The following AEBP2 variants were observed in gnomAD, a reference collection of about 807,000 sequenced individuals.
The protein encoded by AEBP2 is AE binding protein 2.
In AEBP2, 10 loss-of-function variants were observed where a neutral mutation model predicts 50.8. The ratio of observed to expected loss-of-function variants is 0.20; its 90% confidence interval spans 0.12 to 0.33. The LOEUF (loss-of-function observed/expected upper bound fraction) is 0.33. Ranked by LOEUF, AEBP2 falls within the 10% of genes least tolerant of loss-of-function variation. The pLI is 1.00. For synonymous variants in AEBP2, 296 were observed against 261.3 expected (o/e 1.13, Z -1.28); for missense variants, 570 against 688.0 (o/e 0.83, Z 1.92).
chr12:19,452,532 T>C (rs1259828363), intron 1 of AEBP2, among the ~76,000 whole-genome samples: 1 of 152,148 alleles, frequency 6.6e-6, no homozygotes, highest in African/African-American at 2.4e-5. Flanking sequence ...ATGGTTTTCT[T>C]GAAGTACCTG....
rs774128675 is a variant in AEBP2 at position 19,439,753 on chromosome 12, C to T, written c.54C>T (p.Ser18=). ...ACCTGGAGGAGCTCTCCCGCCTGAG[C>T]CCTCTGCCCCCCGGCAGCCCGGGTT... ...MADLEELSRL[S]PLPPGSPGSA... The change falls in exon 1 of 8, where the codon AGC becomes AGT. Residue 18 remains serine (S), a synonymous_variant. Transcript: ENST00000266508. 16 of 1,516,696 alleles carry T rather than the reference C, an allele frequency of 1.1e-5. No homozygotes were observed. Among genetic ancestry groups the T allele is most frequent in the East Asian group, 2.6e-5 (1 of 37,782 alleles). 94.0% of individuals were successfully genotyped at this position (1,516,696 alleles called of 1,614,324 possible).
At chr12:19,492,755 C>T (rs1033485272) in intron 3 of AEBP2, among the ~76,000 whole-genome samples, 1 of 151,986 alleles carries the variant, frequency 6.6e-6, no homozygotes, top group African/African-American at 2.4e-5. Context: ...TGGTTTGAGC[C>T]CAGGAGTTCA....
chr12:19,483,052 A>G (rs1238714913), intron 3 of AEBP2, among the ~76,000 whole-genome samples: 3 of 152,184 alleles, frequency 2.0e-5, no homozygotes, highest in Non-Finnish European at 2.9e-5. Flanking sequence ...TGGTATCTGC[A>G]GCAGTTCCTG....
intron 3 of AEBP2, among the ~76,000 whole-genome samples, chr12:19,473,698 G>T (rs573067203): frequency 1.3e-5 from 2 of 152,152 alleles, no homozygotes; most frequent in Non-Finnish European, 2.9e-5. Flanking sequence ...GAGCCACTGC[G>T]CCTGGCTGTT....
chr12:19,494,331 C>T (rs1242165661), intron 4 of AEBP2, among the ~76,000 whole-genome samples: 2 of 151,738 alleles, frequency 1.3e-5, no homozygotes, highest in Non-Finnish European at 2.9e-5. Flanking sequence ...AGTAATCTAT[C>T]TACTCCAAAG....
intron 1 of AEBP2, among the ~76,000 whole-genome samples, chr12:19,457,876 G>A (rs76026031): frequency 4.7e-4 from 71 of 152,178 alleles, no homozygotes; most frequent in African/African-American, 1.7e-3. Flanking sequence ...CATTTGATTT[G>A]TATACACATG....
chr12:19,516,331 A>C (rs897934643), intron 7 of AEBP2, among the ~76,000 whole-genome samples: 4 of 152,164 alleles, frequency 2.6e-5, no homozygotes, highest in Non-Finnish European at 5.9e-5. Context: ...TTAGCATCCT[A>C]AAAGAGTGAT....
chr12:19,473,557 C>T (rs984858128), intron 3 of AEBP2, among the ~76,000 whole-genome samples: 1 of 152,054 alleles, frequency 6.6e-6, no homozygotes, highest in Admixed American at 6.6e-5. Flanking sequence ...AGGCGTGTGC[C>T]ACCACACCTG....
At chr12:19,441,085 G>C (rs1279170686) in intron 1 of AEBP2, among the ~76,000 whole-genome samples, 2 of 152,018 alleles carry the variant, frequency 1.3e-5, no homozygotes, top group African/African-American at 2.4e-5. Context: ...AGTTGGAATC[G>C]TAACAAAATA....
chr12:19,462,739 T>A (rs746180991), intron 2 of AEBP2, 22 bp downstream of exon 2: 1 of 1,566,426 alleles, frequency 6.4e-7, no homozygotes, highest in Admixed American at 1.8e-5. Context: ...CATTTCTTTT[T>A]TTCGCTCCCT....
At chr12:19,427,720 A>T (rs2095749284) in intron 1 of AEBP2, among the ~76,000 whole-genome samples, 1 of 152,134 alleles carries the variant, frequency 6.6e-6, no homozygotes. Context: ...AACACCTAAG[A>T]GTCTGTCATA....
At chr12:19,513,759 G>T (rs1232440300) in intron 6 of AEBP2, among the ~76,000 whole-genome samples, 1 of 151,972 alleles carries the variant, frequency 6.6e-6, no homozygotes, top group Non-Finnish European at 1.5e-5. Context: ...GTGAGACCCT[G>T]TTCAAAAAAG....
chr12:19,453,325 C>T (rs1041150941), intron 1 of AEBP2, among the ~76,000 whole-genome samples: 1 of 151,766 alleles, frequency 6.6e-6, no homozygotes, highest in African/African-American at 2.4e-5. Flanking sequence ...GTCATGTTGC[C>T]CAGGCTGGTC....
intron 1 of AEBP2, among the ~76,000 whole-genome samples, chr12:19,450,159 T>G (rs1473796546): frequency 6.6e-6 from 1 of 152,154 alleles, no homozygotes; most frequent in Non-Finnish European, 1.5e-5. Flanking sequence ...TAATCCTGTT[T>G]AAGACCAGTT....
chr12:19,438,020 T>C (rs1947879684), upstream of AEBP2, among the ~76,000 whole-genome samples: 1 of 152,222 alleles, frequency 6.6e-6, no homozygotes, highest in Non-Finnish European at 1.5e-5. Context: ...TGTGGGCTCT[T>C]TTCCAGTCTC....
intron 4 of AEBP2, among the ~76,000 whole-genome samples, chr12:19,498,098 A>AGT (rs1167383622): frequency 2.6e-5 from 4 of 152,200 alleles, no homozygotes; most frequent in African/African-American, 9.6e-5. Context: ...TGTGAATTTA[A>AGT]GTGATGGCTT....
At position 19,460,234 on chromosome 12, in the gene AEBP2, G is replaced by C. The variant is rs1592734653; in HGVS notation, c.672-2276G>C. Among the ~76,000 whole-genome samples the C allele has an allele frequency of 4.6e-5, 7 of 152,114 alleles. No individual in the cohort carries two copies. The South Asian group carries it at 1.5e-3, about 32-fold the overall frequency. ...TAACATCCCCCCACCCCTCACAATA[G>C]GTACATTTGATGTTAGACACAGATC... On this transcript the variant is annotated intron_variant, in intron 1 of 7. Transcript: ENST00000266508.
chr12:19,512,579 C>T (rs1171367883), intron 6 of AEBP2, 114 bp downstream of exon 6: 4 of 734,424 alleles, frequency 5.4e-6, no homozygotes, highest in Non-Finnish European at 8.6e-6. Flanking sequence ...CATTTTACAA[C>T]GTTTTGAGGT....
chr12:19,516,295 T>C (rs1949317113), intron 7 of AEBP2, among the ~76,000 whole-genome samples: 2 of 152,178 alleles, frequency 1.3e-5, no homozygotes, highest in African/African-American at 4.8e-5. Flanking sequence ...TTATTTCTGT[T>C]TACTCTTTGG....
Sources: gnomAD v4.1 joint callset for allele counts (sites outside exome capture counted in the v4.1 genomes callset) on GRCh38, gnomAD v4.1.1 for gene constraint, MANE v1.5 for transcripts, NCBI Gene and HGNC (gene_info 2026-07-23, HGNC 2026-07-21) for gene names.